PIP5K1B: variants seen among roughly 807,000 people sequenced by gnomAD.
The protein encoded by PIP5K1B is phosphatidylinositol-4-phosphate 5-kinase type 1 beta, also known as phosphatidylinositol 4-phosphate 5-kinase type-1 beta.
A neutral mutation model predicts 67.0 loss-of-function variants in PIP5K1B; 42 were observed. The observed-to-expected ratio is 0.63, with a 90% CI of 0.49 to 0.81. The LOEUF is 0.81. Ranked by LOEUF, PIP5K1B falls within the 30% of genes least tolerant of loss-of-function variation. PIP5K1B has a pLI of 0.00. For missense variants in PIP5K1B, 459 were observed against 646.3 expected (o/e 0.71, Z 3.14); for synonymous variants, 214 against 231.4 (o/e 0.92, Z 0.68).
At chr9:68,949,990 T>C (rs1827981324) in intron 14 of PIP5K1B, among the ~76,000 whole-genome samples, 1 of 152,248 alleles carries the variant, frequency 6.6e-6, no homozygotes, top group South Asian at 2.1e-4. Context: ...TAGTTATCGA[T>C]GTACAGAAAA....
rs79374854 is a variant in PIP5K1B at position 68,948,769 on chromosome 9, T to C, written c.1502+7979T>C. On this transcript the variant is annotated intron_variant, in intron 14 of 15. Coordinates refer to ENST00000265382, the MANE Select transcript of PIP5K1B (RefSeq NM_003558.4). ...GATTTACATCACATTAGTCTGCACC[T>C]GGATTTTGCCAGATGTCTTTTTTCC... 6.4e-3 allele frequency among the ~76,000 whole-genome samples: 980 copies of C among 152,120 alleles called. 9 individuals carry two copies. The highest frequency in any genetic ancestry group is 0.019 in the East Asian group (101 of 5,190).
chr9:68,823,950 A>G, intron 4 of PIP5K1B: 1 of 376,716 alleles, frequency 2.7e-6, no homozygotes, highest in Non-Finnish European at 5.2e-6. Context: ...AAACCTTGAA[A>G]TACAAACTGG....
At chr9:68,863,758 A>G in intron 4 of PIP5K1B, 79 bp from the exon 5 acceptor site, 2 of 1,205,866 alleles carry the variant, frequency 1.7e-6, no homozygotes, top group Non-Finnish European at 2.3e-6. Flanking sequence ...ATTGAACCTC[A>G]CTCATGTTTT....
At chr9:68,919,803 A>G (rs1826274635) in intron 11 of PIP5K1B, 74 bp downstream of exon 11, 1 of 825,972 alleles carries the variant, frequency 1.2e-6, no homozygotes. Context: ...TGTGCAGGAA[A>G]CTGTGTTGCT....
chr9:68,917,271 C>T (rs575958538), intron 8 of PIP5K1B, among the ~76,000 whole-genome samples: 123 of 152,308 alleles, frequency 8.1e-4, no homozygotes, highest in African/African-American at 2.7e-3. Flanking sequence ...GTACTCAATC[C>T]GTGCTATTAG....
chr9:68,902,886 G>A (rs1564218661), intron 8 of PIP5K1B, among the ~76,000 whole-genome samples: 2 of 152,170 alleles, frequency 1.3e-5, no homozygotes, highest in Non-Finnish European at 2.9e-5. Context: ...ATCTAATAAA[G>A]CAGTTTGGGG....
At chr9:68,787,580 A>C (rs1399351897) in intron 2 of PIP5K1B, among the ~76,000 whole-genome samples, 4 of 152,124 alleles carry the variant, frequency 2.6e-5, no homozygotes, top group Non-Finnish European at 4.4e-5. Context: ...GATCCTTAAC[A>C]GACCTTTCCT....
At chr9:68,900,564 C>A (rs150205242) in intron 8 of PIP5K1B, among the ~76,000 whole-genome samples, 5 of 152,192 alleles carry the variant, frequency 3.3e-5, no homozygotes, top group Non-Finnish European at 7.4e-5. Context: ...TTATTAATAA[C>A]TCTGGGAAAT....
At chr9:68,715,884 C>G (rs1827613088) in intron 1 of PIP5K1B, among the ~76,000 whole-genome samples, 1 of 152,168 alleles carries the variant, frequency 6.6e-6, no homozygotes, top group African/African-American at 2.4e-5. Context: ...ATAATGGTAG[C>G]TGCAGGTATT....
intron 14 of PIP5K1B, among the ~76,000 whole-genome samples, chr9:68,976,270 C>T (rs1300207771): frequency 6.6e-6 from 1 of 152,142 alleles, no homozygotes; most frequent in Non-Finnish European, 1.5e-5. Flanking sequence ...AAGGCATTTC[C>T]AATTCAGCAT....
intron 15 of PIP5K1B, among the ~76,000 whole-genome samples, chr9:69,001,255 T>G (rs1331479544): frequency 6.6e-6 from 1 of 152,006 alleles, no homozygotes; most frequent in Non-Finnish European, 1.5e-5. Context: ...GCAGAGGGCC[T>G]CTGGTGCATT....
chr9:68,729,539 G>T (rs937803526), intron 1 of PIP5K1B, among the ~76,000 whole-genome samples: 2 of 152,066 alleles, frequency 1.3e-5, no homozygotes, highest in African/African-American at 4.8e-5. Flanking sequence ...GTGAGAAAGG[G>T]AACATATCTA....
At chr9:68,751,143 G>A (rs1030747315) in intron 2 of PIP5K1B, among the ~76,000 whole-genome samples, 3 of 152,322 alleles carry the variant, frequency 2.0e-5, no homozygotes, top group East Asian at 1.9e-4. Context: ...TGGGCAAGTC[G>A]TGTAACCTCT....
intron 4 of PIP5K1B, among the ~76,000 whole-genome samples, chr9:68,835,562 G>A (rs1834557894): frequency 6.6e-6 from 1 of 152,196 alleles, no homozygotes; most frequent in South Asian, 2.1e-4. Context: ...TGGGGACTTG[G>A]CAGTCCAGGT....
chr9:68,723,119 T>G (rs563539018), intron 1 of PIP5K1B, among the ~76,000 whole-genome samples: 1 of 152,234 alleles, frequency 6.6e-6, no homozygotes, highest in South Asian at 2.1e-4. Context: ...TTGCTACAAA[T>G]GACAGGATCT....
chr9:68,907,373 A>G (rs932433529), intron 8 of PIP5K1B, among the ~76,000 whole-genome samples: 1 of 152,174 alleles, frequency 6.6e-6, no homozygotes, highest in African/African-American at 2.4e-5. Flanking sequence ...CAACTGTGTC[A>G]TGTTGAGCCA....
chr9:68,967,263 T>C (rs1564278861), intron 14 of PIP5K1B, among the ~76,000 whole-genome samples: 1 of 152,222 alleles, frequency 6.6e-6, no homozygotes, highest in South Asian at 2.1e-4. Flanking sequence ...AAATGATCTC[T>C]CATAACAGAT....
intron 14 of PIP5K1B, chr9:68,941,202 C>A (rs1827544836): frequency 2.3e-6 from 1 of 430,742 alleles, no homozygotes; most frequent in African/African-American, 2.1e-5. Flanking sequence ...ATAATTGCTC[C>A]CCCAAAGCTA....
chr9:68,916,826 T>G (rs567679984), intron 8 of PIP5K1B, among the ~76,000 whole-genome samples: 1 of 151,818 alleles, frequency 6.6e-6, no homozygotes, highest in South Asian at 2.1e-4. Context: ...GAGCTGAGAT[T>G]GCGCTAGTGC....
Sources: gnomAD v4.1 joint callset for allele counts (sites outside exome capture counted in the v4.1 genomes callset) on GRCh38, gnomAD v4.1.1 for gene constraint, MANE v1.5 for transcripts, NCBI Gene and HGNC (gene_info 2026-07-23, HGNC 2026-07-21) for gene names.